Variants in KCNAB1 observed in about 807,000 individuals in gnomAD.
KCNAB1 encodes the protein voltage-gated potassium channel subunit beta-1.
KCNAB1 carries 35 observed loss-of-function variants against 64.6 expected under a neutral mutation model. The observed-to-expected ratio is 0.54, with a 90% CI of 0.41 to 0.72. The LOEUF is 0.72. KCNAB1 is among the 30% of genes least tolerant of loss of function. The probability of loss-of-function intolerance (pLI) is 0.00; values close to 1 mark genes in which losing one functional copy is unlikely to be tolerated. For synonymous variants in KCNAB1, 177 were observed against 183.8 expected, an observed-to-expected ratio of 0.96 and a Z score of 0.30; for missense variants, 401 against 512.9, an observed-to-expected ratio of 0.78 and a Z score of 2.11.
At chr3:156,119,052 G>A (rs960739024), upstream of KCNAB1, among the ~76,000 whole-genome samples, 3 of 152,182 alleles carry the variant, frequency 2.0e-5, no homozygotes, top group Non-Finnish European at 4.4e-5. Context: ...GGTGGTTACA[G>A]TTCTAACCCT....
intron 1 of KCNAB1, among the ~76,000 whole-genome samples, chr3:156,410,182 T>C (rs940727784): frequency 6.6e-6 from 1 of 152,262 alleles, no homozygotes; most frequent in African/African-American, 2.4e-5. Context: ...TTGGGTCTAC[T>C]GTTCAAGGCT....
At chr3:156,489,077 G>T (rs1259203245) in intron 8 of KCNAB1, among the ~76,000 whole-genome samples, 3 of 152,094 alleles carry the variant, frequency 2.0e-5, no homozygotes, top group Non-Finnish European at 4.4e-5. Context: ...TGTTTATTAG[G>T]TGGCCAAGTG....
chr3:156,276,735 C>G (rs900868246), intron 1 of KCNAB1, among the ~76,000 whole-genome samples: 6 of 152,102 alleles, frequency 3.9e-5, no homozygotes, highest in Non-Finnish European at 7.4e-5. Context: ...CTCTCTTAGC[C>G]TTTTGAATTG....
At chr3:156,218,786 CAAA>C (rs1228783831) in intron 1 of KCNAB1, among the ~76,000 whole-genome samples, 2 of 92,642 alleles carry the variant, frequency 2.2e-5, no homozygotes, top group Non-Finnish European at 4.3e-5. Flanking sequence ...CCCAGAACAG[CAAA>C]AAAAAAAAAA....
intron 1 of KCNAB1, among the ~76,000 whole-genome samples, chr3:156,294,780 G>C (rs1720674002): frequency 6.6e-6 from 1 of 152,056 alleles, no homozygotes; most frequent in Non-Finnish European, 1.5e-5. Context: ...AGCTTTAAAG[G>C]GGATCCCTAA....
chr3:156,491,652 G>A, intron 8 of KCNAB1, among the ~76,000 whole-genome samples: 1 of 152,032 alleles, frequency 6.6e-6, no homozygotes, highest in East Asian at 1.9e-4. Flanking sequence ...TATCTGGTAA[G>A]CTAATATTTA....
chr3:156,441,231 A>G (rs902310975), intron 2 of KCNAB1: 3 of 152,192 alleles, frequency 2.0e-5, no homozygotes, highest in African/African-American at 4.8e-5. Flanking sequence ...TTTTATGTAC[A>G]GATAGAACAA....
intron 1 of KCNAB1, among the ~76,000 whole-genome samples, chr3:156,329,700 TCA>T (rs1723207504): frequency 6.6e-6 from 1 of 152,084 alleles, no homozygotes; most frequent in African/African-American, 2.4e-5. Context: ...GGAAGCCATT[TCA>T]CTCTTGCCAA....
intron 1 of KCNAB1, among the ~76,000 whole-genome samples, chr3:156,149,298 A>C (rs187482701): frequency 1.3e-5 from 2 of 152,254 alleles, no homozygotes; most frequent in Admixed American, 1.3e-4. Flanking sequence ...GAAAACAGGA[A>C]GGAAGCTTCC....
At chr3:156,230,757 T>C (rs768830481) in intron 1 of KCNAB1, among the ~76,000 whole-genome samples, 1 of 152,228 alleles carries the variant, frequency 6.6e-6, no homozygotes, top group African/African-American at 2.4e-5. Flanking sequence ...AGTCAGAACC[T>C]CTCTGATCTA....
At chr3:156,361,478 G>A (rs1308312786) in intron 1 of KCNAB1, among the ~76,000 whole-genome samples, 1 of 151,962 alleles carries the variant, frequency 6.6e-6, no homozygotes, top group Admixed American at 6.6e-5. Context: ...ATGTGTATGT[G>A]TGTGAATAAT....
intron 1 of KCNAB1, among the ~76,000 whole-genome samples, chr3:156,396,494 C>T (rs1713474809): frequency 1.3e-5 from 2 of 152,180 alleles, no homozygotes; most frequent in South Asian, 2.1e-4. Flanking sequence ...CCAAAGAGCT[C>T]AATCATGACA....
At chr3:156,497,125 T>G (rs1051812211) in intron 8 of KCNAB1, among the ~76,000 whole-genome samples, 2 of 152,218 alleles carry the variant, frequency 1.3e-5, no homozygotes, top group African/African-American at 4.8e-5. Flanking sequence ...CATACCAAGT[T>G]TTAAACTTAC....
intron 1 of KCNAB1, among the ~76,000 whole-genome samples, chr3:156,367,739 G>A (rs1726038942): frequency 6.6e-6 from 1 of 152,172 alleles, no homozygotes. Context: ...CCTTCTCCCT[G>A]CCTTGCATGC....
In KCNAB1 at chr3:156,241,545, T is replaced by C. The variant is rs1192904922; in HGVS notation, c.275+120659T>C. Among the ~76,000 whole-genome samples, 3 of 152,230 alleles carry C rather than the reference T, an allele frequency of 2.0e-5. No individual in the cohort carries two copies. In the East Asian group the frequency reaches 5.8e-4, roughly 29 times the overall value. On this transcript the variant is annotated intron_variant, in intron 1 of 13. Coordinates refer to ENST00000490337, the MANE Select transcript of KCNAB1 (RefSeq NM_172160.3). ...TGAGTGTTTCTCTTTCTTGGTTGAC[T>C]TCTGGTTGGACCACATCATTCTGAG...
chr3:156,229,045 C>T (rs1408244235), intron 1 of KCNAB1, among the ~76,000 whole-genome samples: 1 of 152,188 alleles, frequency 6.6e-6, no homozygotes, highest in South Asian at 2.1e-4. Context: ...AAAGGGGAGC[C>T]TCTGAGGGGT....
At chr3:156,245,720 A>G (rs1029242502) in intron 1 of KCNAB1, among the ~76,000 whole-genome samples, 18 of 152,348 alleles carry the variant, frequency 1.2e-4, no homozygotes, top group African/African-American at 3.6e-4. Flanking sequence ...AGAGCAGAGC[A>G]TGGGTAAATT....
At chr3:156,464,340 G>A (rs1256718420) in intron 6 of KCNAB1, among the ~76,000 whole-genome samples, 1 of 152,124 alleles carries the variant, frequency 6.6e-6, no homozygotes, top group Non-Finnish European at 1.5e-5. Context: ...GGGCCTGCTG[G>A]CATTTGAACT....
intron 1 of KCNAB1, among the ~76,000 whole-genome samples, chr3:156,344,223 A>T (rs574805742): frequency 1.3e-5 from 2 of 152,230 alleles, no homozygotes; most frequent in African/African-American, 4.8e-5. Context: ...AAAGGACAGG[A>T]TCATCTCCCT....
Sources: allele counts gnomAD v4.1 joint callset (sites outside exome capture counted in the v4.1 genomes callset), GRCh38; gene constraint gnomAD v4.1.1; transcripts MANE v1.5; gene names NCBI Gene and HGNC (gene_info 2026-07-23, HGNC 2026-07-21).